The following RAPGEF1 variants were observed in gnomAD, a reference collection of about 807,000 sequenced individuals.
RAPGEF1 encodes Rap guanine nucleotide exchange factor 1.
RAPGEF1 carries 33 observed loss-of-function variants against 143.3 expected under a neutral mutation model. The observed-to-expected ratio is 0.23, with a 90% confidence interval of 0.17 to 0.31. The LOEUF (loss-of-function observed/expected upper bound fraction) is 0.31. Ranked by LOEUF, RAPGEF1 falls within the 10% of genes least tolerant of loss-of-function variation. The pLI is 1.00. For synonymous variants in RAPGEF1, 629 were observed against 676.5 expected (o/e 0.93, Z 1.09); for missense variants, 1,199 against 1,645.4 (o/e 0.73, Z 4.69).
At chr9:131,678,779 C>A (rs749000612) in intron 1 of RAPGEF1, among the ~76,000 whole-genome samples, 2 of 152,232 alleles carry the variant, frequency 1.3e-5, no homozygotes, top group Middle Eastern at 3.2e-3. Context: ...TCAAACAACA[C>A]ACCAGGAGGC....
chr9:131,693,733 C>T (rs776886686), intron 1 of RAPGEF1, among the ~76,000 whole-genome samples: 5 of 152,060 alleles, frequency 3.3e-5, no homozygotes, highest in Non-Finnish European at 7.4e-5. Flanking sequence ...TTTGACAATA[C>T]CTTTCCAAAC....
chr9:131,580,537 C>T, intron 25 of RAPGEF1, 146 bp from the exon 26 acceptor site: 1 of 998,958 alleles, frequency 1.0e-6, no homozygotes, highest in Non-Finnish European at 1.4e-6. Flanking sequence ...TGTCTGTTTC[C>T]CAGAACAAAC....
At chr9:131,676,651 G>A (rs1832408756) in intron 1 of RAPGEF1, among the ~76,000 whole-genome samples, 1 of 152,254 alleles carries the variant, frequency 6.6e-6, no homozygotes, top group Non-Finnish European at 1.5e-5. Context: ...CACTATCATA[G>A]CAGACTGCCA....
intron 3 of RAPGEF1, among the ~76,000 whole-genome samples, chr9:131,646,789 G>C (rs7851377): frequency 0.024 from 3,700 of 151,764 alleles, 154 homozygotes; most frequent in African/African-American, 0.084. Context: ...AGAATTGCAG[G>C]ATTAAAAAAA....
In RAPGEF1 at chr9:131,657,948, C is replaced by T. The variant is rs1164190963; in HGVS notation, c.62-6999G>A. 2.6e-5 allele frequency among the ~76,000 whole-genome samples: 4 copies of T among 152,176 alleles called. No homozygotes were observed. In the East Asian group the frequency reaches 7.7e-4, roughly 29 times the overall value. On this transcript the variant is annotated intron_variant, in intron 1 of 26. Coordinates refer to ENST00000683357, the MANE Select transcript of RAPGEF1 (RefSeq NM_001377935.1). ...CTCTTGTTTTTTACTCAATAGCAGG[C>T]CTGACACTCAGGCATGCTGGGGTGT...
At chr9:131,637,220 G>C (rs539994695) in intron 5 of RAPGEF1, among the ~76,000 whole-genome samples, 1 of 148,946 alleles carries the variant, frequency 6.7e-6, no homozygotes, top group Non-Finnish European at 1.5e-5. Flanking sequence ...GTGACATTCC[G>C]TCTCAGAGAA....
chr9:131,585,135 G>A (rs1392641389), intron 22 of RAPGEF1, among the ~76,000 whole-genome samples: 1 of 152,172 alleles, frequency 6.6e-6, no homozygotes, highest in East Asian at 1.9e-4. Context: ...ATTTCCTGTG[G>A]TTCACAGGGG....
intron 15 of RAPGEF1, among the ~76,000 whole-genome samples, chr9:131,599,802 C>T (rs990058923): frequency 6.6e-6 from 1 of 152,090 alleles, no homozygotes; most frequent in Non-Finnish European, 1.5e-5. Flanking sequence ...CATTTTAACC[C>T]CAGGTATCTG....
chr9:131,693,214 C>T (rs566018354), intron 1 of RAPGEF1, among the ~76,000 whole-genome samples: 9 of 152,220 alleles, frequency 5.9e-5, no homozygotes, highest in African/African-American at 1.9e-4. Context: ...AAGATTTAAA[C>T]CCCAAAATAA....
intron 1 of RAPGEF1, among the ~76,000 whole-genome samples, chr9:131,664,782 G>T (rs948816869): frequency 1.3e-5 from 2 of 152,042 alleles, no homozygotes; most frequent in African/African-American, 2.4e-5. Context: ...TTCTGTGTGG[G>T]TTATATTATC....
In RAPGEF1 at chr9:131,673,885, T is replaced by C. The variant is rs534938646; in HGVS notation, c.62-22936A>G. Among the ~76,000 whole-genome samples the C allele has an allele frequency of 6.6e-5, 10 of 152,318 alleles. No individual in the cohort carries two copies. In the East Asian group the frequency reaches 1.9e-3, roughly 29 times the overall value. On this transcript the variant is annotated intron_variant, in intron 1 of 26. Transcript: ENST00000683357. ...CTAAAAGACGGTTCCGTTCTGCAGC[T>C]GGTGTCTGCCAGTCCCCATGTCCTC...
Position 131,650,022 on chromosome 9 carries a change from T to C in RAPGEF1, c.315+107A>G. 1.1e-6 allele frequency: 1 copy of C among 880,644 alleles called. No individual in the cohort carries two copies. The highest frequency in any genetic ancestry group is 2.7e-5 in the East Asian group (1 of 36,764). The allele number at this position is 880,644 out of a possible 1,614,324, so 54.6% of individuals were successfully genotyped here. A position where few individuals can be genotyped will look rare whatever the true frequency, so the allele number is the denominator to read the frequency against. ...ATTCAGCCCACGGTCACCACCCAGT[T>C]GAACATAATAATAGTGCAATAGAGT... On this transcript the variant is annotated intron_variant, in intron 3 of 26. Coordinates refer to ENST00000683357, the MANE Select transcript of RAPGEF1 (RefSeq NM_001377935.1). The surrounding 1 kb of genome is among the most constrained non-coding windows in gnomAD (Gnocchi z 4.7).
At chr9:131,717,647 C>A (rs1835952883) in intron 1 of RAPGEF1, among the ~76,000 whole-genome samples, 1 of 151,910 alleles carries the variant, frequency 6.6e-6, no homozygotes, top group Non-Finnish European at 1.5e-5. Flanking sequence ...GTGGTGCATG[C>A]CTGTAATCCC....
intron 1 of RAPGEF1, among the ~76,000 whole-genome samples, chr9:131,658,111 T>A (rs1198337847): frequency 1.3e-5 from 2 of 152,226 alleles, no homozygotes; most frequent in Non-Finnish European, 2.9e-5. Context: ...CATACATGTC[T>A]CCTGGAACAC....
intron 5 of RAPGEF1, among the ~76,000 whole-genome samples, chr9:131,631,558 G>A (rs1030753832): frequency 2.0e-5 from 3 of 152,234 alleles, no homozygotes; most frequent in African/African-American, 7.2e-5. Context: ...TGTGATGAGG[G>A]GCTTCCAGGC....
intron 1 of RAPGEF1, among the ~76,000 whole-genome samples, chr9:131,724,784 C>CG (rs1460768566): frequency 1.3e-5 from 2 of 152,158 alleles, no homozygotes; most frequent in Non-Finnish European, 2.9e-5. Context: ...CAAGGTCCCC[C>CG]CTAAAGATCT....
chr9:131,717,149 C>T (rs1337932651), intron 1 of RAPGEF1, among the ~76,000 whole-genome samples: 2 of 152,210 alleles, frequency 1.3e-5, no homozygotes, highest in African/African-American at 4.8e-5. Flanking sequence ...CCTGGCCAGC[C>T]CGCTGACCTC....
chr9:131,600,690 A>T (rs1016181028), intron 15 of RAPGEF1, among the ~76,000 whole-genome samples: 4 of 152,336 alleles, frequency 2.6e-5, no homozygotes, highest in African/African-American at 7.2e-5. Flanking sequence ...GCTTGACCTA[A>T]GGAGGGAGGA....
Position 131,578,483 on chromosome 9 carries a change from G to C in RAPGEF1, c.*1014C>G, listed in dbSNP as rs773930860. On this transcript the variant is annotated 3_prime_UTR_variant, in exon 27 of 27. Coordinates refer to ENST00000683357, the MANE Select transcript of RAPGEF1 (RefSeq NM_001377935.1). ...GACAGCACTGGCTGAAAGGTCTGAAGAGCCAGAGGAGGAGCCCTGCTGGCT... is the reference window on the plus strand; with the variant it reads ...GACAGCACTGGCTGAAAGGTCTGAACAGCCAGAGGAGGAGCCCTGCTGGCT... The C allele has an allele frequency of 6.6e-6, 1 of 152,460 alleles. No homozygotes were observed. Among genetic ancestry groups the C allele is most frequent in the Non-Finnish European group, 1.5e-5 (1 of 68,226 alleles). The allele number at this position is 152,460 out of a possible 1,614,324, so 9.4% of individuals were successfully genotyped here. A position where few individuals can be genotyped will look rare whatever the true frequency, so the allele number is the denominator to read the frequency against.
Sources: allele counts gnomAD v4.1 joint callset (sites outside exome capture counted in the v4.1 genomes callset), GRCh38; gene constraint gnomAD v4.1.1; non-coding constraint Gnocchi (gnomAD v3.1); transcripts MANE v1.5; gene names NCBI Gene and HGNC (gene_info 2026-07-23, HGNC 2026-07-21).